GMEB2: variants seen among roughly 807,000 people sequenced by gnomAD.
GMEB2 encodes glucocorticoid modulatory element binding protein 2, also known as glucocorticoid modulatory element-binding protein 2.
A neutral mutation model predicts 45.7 loss-of-function variants in GMEB2; 7 were observed. The ratio of observed to expected loss-of-function variants is 0.15; its 90% CI spans 0.09 to 0.29. The LOEUF (loss-of-function observed/expected upper bound fraction) is 0.29. Ranked by LOEUF, GMEB2 falls within the 10% of genes least tolerant of loss-of-function variation. GMEB2 has a pLI of 1.00. For synonymous variants in GMEB2, 322 were observed against 323.6 expected, an observed-to-expected ratio of 1.00 and a Z score of 0.05; for missense variants, 582 against 739.2, an observed-to-expected ratio of 0.79 and a Z score of 2.47.
rs182540492 is a variant in GMEB2 at position 63,593,401 on chromosome 20, G to C, written c.620-319C>G. Among the ~76,000 whole-genome samples, 1 of 151,740 alleles carries C rather than the reference G, an allele frequency of 6.6e-6. No individual in the cohort carries two copies. The highest frequency in any genetic ancestry group is 1.5e-5 in the Non-Finnish European group (1 of 67,944). On this transcript the variant is annotated intron_variant, in intron 6 of 9. Transcript: ENST00000370077. The surrounding 1 kb of genome is among the most constrained non-coding windows in gnomAD (Gnocchi z 4.7). ...ACGATTGTACTCAACAAGCACTTTC[G>C]ACTGGACCGTCAGGAGCGAGACAAG...
At chr20:63,601,265 C>T (rs1007434637) in intron 4 of GMEB2, among the ~76,000 whole-genome samples, 1 of 152,126 alleles carries the variant, frequency 6.6e-6, no homozygotes, top group African/African-American at 2.4e-5. Flanking sequence ...GGTCTTCATC[C>T]AGGCTGGGGT....
Position 63,593,091 on chromosome 20 carries a change from G to T in GMEB2, c.620-9C>A. The stretch of plus-strand genomic sequence containing the variant: ...CGCAGGAGACCCATTCACTGCAGCC[G>T]AAAGGGAACCTCGGGTGAGTGCTGT... On this transcript the variant is annotated splice_polypyrimidine_tract_variant and intron_variant, in intron 6 of 9. Coordinates refer to ENST00000370077, the MANE Select transcript of GMEB2 (RefSeq NM_012384.5). The surrounding 1 kb of genome is among the most constrained non-coding windows in gnomAD (Gnocchi z 4.7). The T allele has an allele frequency of 6.3e-7, 1 of 1,594,726 alleles. No individual in the cohort carries two copies. The highest frequency in any genetic ancestry group is 8.6e-7 in the Non-Finnish European group (1 of 1,164,134).
Position 63,605,005 on chromosome 20 carries a change from C to T in GMEB2, c.132-165G>A, listed in dbSNP as rs1157073490. On this transcript the variant is annotated intron_variant, in intron 2 of 9. Transcript: ENST00000370077. ...GTGGCTCAAGCCTGTAATCCCAGCA[C>T]TTTGGGAGGCTGAGGTGGGAGGGTC... 3 of 552,722 alleles carry T rather than the reference C, an allele frequency of 5.4e-6. No homozygotes were observed. The Admixed American group carries it at 8.3e-5, about 15-fold the overall frequency. 34.2% of individuals were successfully genotyped at this position (552,722 alleles called of 1,614,324 possible). A position where few individuals can be genotyped will look rare whatever the true frequency, so the allele number is the denominator to read the frequency against.
At chr20:63,615,332 T>C (rs1449477868) in intron 2 of GMEB2, among the ~76,000 whole-genome samples, 1 of 152,110 alleles carries the variant, frequency 6.6e-6, no homozygotes, top group Admixed American at 6.6e-5. Context: ...TTTTCCTTTT[T>C]TCTTTTTTTT....
At chr20:63,615,105 G>C (rs894720043) in intron 2 of GMEB2, among the ~76,000 whole-genome samples, 2 of 152,168 alleles carry the variant, frequency 1.3e-5, no homozygotes, top group African/African-American at 4.8e-5. Context: ...TGGCTTTGTA[G>C]ACTGGAGCCT....
intron 3 of GMEB2, among the ~76,000 whole-genome samples, chr20:63,603,600 G>A (rs1310919318): frequency 6.6e-6 from 1 of 152,084 alleles, no homozygotes; most frequent in Non-Finnish European, 1.5e-5. Context: ...ATGGTGGCGG[G>A]CACCTGTAGT....
chr20:63,626,288 G>A (rs13043550), intron 1 of GMEB2, among the ~76,000 whole-genome samples: 10 of 148,356 alleles, frequency 6.7e-5, no homozygotes, highest in Non-Finnish European at 1.0e-4. Flanking sequence ...CTGCGGGTCG[G>A]GTGCCTGCGG....
chr20:63,595,536 C>G (rs967644881), intron 6 of GMEB2, 74 bp downstream of exon 6: 1 of 1,408,100 alleles, frequency 7.1e-7, no homozygotes, highest in Non-Finnish European at 9.6e-7. Context: ...AAGGAGGCCA[C>G]CCAGGGGCAT....
intron 2 of GMEB2, among the ~76,000 whole-genome samples, chr20:63,606,386 C>G (rs1379242679): frequency 7.1e-6 from 1 of 141,710 alleles, no homozygotes; most frequent in Non-Finnish European, 1.5e-5. Context: ...CTCGCTCTGT[C>G]GCTCAGGCTG....
chr20:63,620,172 T>A (rs909342), intron 1 of GMEB2, among the ~76,000 whole-genome samples: 1 of 152,056 alleles, frequency 6.6e-6, no homozygotes, highest in Non-Finnish European at 1.5e-5. Flanking sequence ...GTGCTGGGAT[T>A]GCAGGTGTGA....
intron 1 of GMEB2, among the ~76,000 whole-genome samples, chr20:63,620,548 C>T (rs1019101487): frequency 2.6e-5 from 4 of 152,332 alleles, no homozygotes; most frequent in East Asian, 1.9e-4. Flanking sequence ...ACAGTCTCTA[C>T]GTGGTCCTGA....
chr20:63,609,105 C>CT (rs2089546219), intron 2 of GMEB2, among the ~76,000 whole-genome samples: 1 of 107,586 alleles, frequency 9.3e-6, no homozygotes, highest in African/African-American at 3.6e-5. Context: ...GCCCCTCTGA[C>CT]CCACCTCCAT....
At chr20:63,602,714 T>C (rs2083250365) in intron 4 of GMEB2, among the ~76,000 whole-genome samples, 1 of 152,200 alleles carries the variant, frequency 6.6e-6, no homozygotes, top group Non-Finnish European at 1.5e-5. Context: ...TCTCACTGGA[T>C]CTGCTGGGTA....
intron 2 of GMEB2, among the ~76,000 whole-genome samples, chr20:63,617,355 C>T (rs1284410688): frequency 1.3e-5 from 2 of 152,168 alleles, no homozygotes; most frequent in South Asian, 2.1e-4. Flanking sequence ...AGCAAGAAGT[C>T]GGCCATCTGC....
At position 63,593,142 on chromosome 20, in the gene GMEB2, T is replaced by C; in HGVS notation, c.620-60A>G. 1.0e-6 allele frequency: 1 copy of C among 980,646 alleles called. No individual in the cohort carries two copies. The highest frequency in any genetic ancestry group is 1.6e-6 in the Non-Finnish European group (1 of 617,446). The allele number at this position is 980,646 out of a possible 1,614,324, so 60.7% of individuals were successfully genotyped here. A position where few individuals can be genotyped will look rare whatever the true frequency, so the allele number is the denominator to read the frequency against. ...TTGGACCACAGTCCCACACCCCACA[T>C]ACCCTGTCCACCCTCCTCACACCAC... On this transcript the variant is annotated intron_variant, in intron 6 of 9. Coordinates refer to ENST00000370077, the MANE Select transcript of GMEB2 (RefSeq NM_012384.5). This position sits in a 1 kb window ranked among gnomAD's most constrained non-coding sequence, Gnocchi z 4.7.
At chr20:63,608,938 A>C (rs1601023943) in intron 2 of GMEB2, among the ~76,000 whole-genome samples, 1 of 19,200 alleles carries the variant, frequency 5.2e-5, no homozygotes, top group African/African-American at 1.1e-4. Context: ...CTGTGACCCC[A>C]CCTCCATTTC....
chr20:63,591,219 T>C (rs935789723), intron 9 of GMEB2, among the ~76,000 whole-genome samples: 1 of 133,388 alleles, frequency 7.5e-6, no homozygotes, highest in Non-Finnish European at 1.6e-5. Flanking sequence ...ACACAAACAG[T>C]GAACACACAA....
At chr20:63,600,226 G>A (rs1187539003) in intron 4 of GMEB2, among the ~76,000 whole-genome samples, 1 of 151,498 alleles carries the variant, frequency 6.6e-6, no homozygotes, top group Non-Finnish European at 1.5e-5. Flanking sequence ...TGTATTTGTC[G>A]CAGAGATGGG....
chr20:63,613,346 A>G (rs918182445), intron 2 of GMEB2, among the ~76,000 whole-genome samples: 4 of 152,212 alleles, frequency 2.6e-5, no homozygotes, highest in Non-Finnish European at 5.9e-5. Context: ...GGAAACCAAG[A>G]CAGCAAGTGG....
Sources: gnomAD v4.1 joint callset for allele counts (sites outside exome capture counted in the v4.1 genomes callset) on GRCh38, gnomAD v4.1.1 for gene constraint, Gnocchi (gnomAD v3.1) non-coding constraint, MANE v1.5 for transcripts, NCBI Gene and HGNC (gene_info 2026-07-23, HGNC 2026-07-21) for gene names.